The following JAK1 variants were observed in gnomAD, a reference collection of about 807,000 sequenced individuals.
JAK1 encodes the protein Janus kinase 1, also known as tyrosine-protein kinase JAK1.
Under a neutral mutation model 136.6 loss-of-function variants are expected in JAK1, and 16 were observed. The ratio of observed to expected loss-of-function variants is 0.12; its 90% confidence interval spans 0.08 to 0.18. The LOEUF (loss-of-function observed/expected upper bound fraction) is 0.18, where lower values mean the gene tolerates loss of function less well. Ranked by LOEUF, JAK1 falls within the 10% of genes least tolerant of loss-of-function variation. The probability of loss-of-function intolerance (pLI) is 1.00; values close to 1 mark genes in which losing one functional copy is unlikely to be tolerated. For missense variants in JAK1, 859 were observed against 1,450.1 expected, an observed-to-expected ratio of 0.59 and a Z score of 6.62; for synonymous variants, 492 against 519.5, an observed-to-expected ratio of 0.95 and a Z score of 0.72.
chr1:64,863,381 G>A (rs1225064663), intron 8 of JAK1, among the ~76,000 whole-genome samples: 3 of 151,892 alleles, frequency 2.0e-5, no homozygotes, highest in African/African-American at 4.8e-5. Context: ...CATATAACAC[G>A]GGGCCTGATA....
intron 2 of JAK1, among the ~76,000 whole-genome samples, chr1:65,008,701 T>C (rs1424470904): frequency 6.6e-6 from 1 of 151,934 alleles, no homozygotes; most frequent in Non-Finnish European, 1.5e-5. Flanking sequence ...TTCTCCTTCT[T>C]TTTTATGACA....
At chr1:64,959,469 C>T (rs557290353) in intron 1 of JAK1, among the ~76,000 whole-genome samples, 7 of 152,006 alleles carry the variant, frequency 4.6e-5, no homozygotes, top group African/African-American at 7.2e-5. Flanking sequence ...ATCTGATTTA[C>T]AAGATATTTA....
intron 2 of JAK1, among the ~76,000 whole-genome samples, chr1:65,024,012 C>G (rs772473064): frequency 4.7e-5 from 7 of 150,270 alleles, no homozygotes; most frequent in Non-Finnish European, 8.8e-5. Flanking sequence ...TATCCAATCT[C>G]CTATTGCTGG....
At chr1:64,839,540 G>T in intron 20 of JAK1, 63 bp downstream of exon 20, 1 of 1,462,412 alleles carries the variant, frequency 6.8e-7, no homozygotes, top group Non-Finnish European at 9.3e-7. Flanking sequence ...GTTTTGCACT[G>T]GCCTTTATGA....
At chr1:64,989,002 G>GTACATA (rs1646628987) in intron 2 of JAK1, among the ~76,000 whole-genome samples, 1 of 129,238 alleles carries the variant, frequency 7.7e-6, no homozygotes, top group African/African-American at 2.8e-5. Context: ...GTGTGTGTGT[G>GTACATA]TATATATATA....
chr1:64,920,884 G>A (rs1249269335), intron 1 of JAK1, among the ~76,000 whole-genome samples: 1 of 152,206 alleles, frequency 6.6e-6, no homozygotes, highest in African/African-American at 2.4e-5. Context: ...AACAGGTCCA[G>A]TGCAAAACTG....
intron 2 of JAK1, among the ~76,000 whole-genome samples, chr1:65,000,239 G>C (rs116404609): frequency 0.076 from 11,601 of 152,002 alleles, 556 homozygotes; most frequent in African/African-American, 0.12. Context: ...CGCCCGCCTT[G>C]GCCATCGTAA....
intron 1 of JAK1, among the ~76,000 whole-genome samples, chr1:65,061,172 G>A (rs768133673): frequency 3.9e-5 from 6 of 152,124 alleles, no homozygotes; most frequent in South Asian, 4.1e-4. Flanking sequence ...TAATCTCAGC[G>A]CCTTAGGAGG....
At chr1:64,911,150 G>C (rs1362466385) in intron 1 of JAK1, among the ~76,000 whole-genome samples, 1 of 151,674 alleles carries the variant, frequency 6.6e-6, no homozygotes, top group Non-Finnish European at 1.5e-5. Flanking sequence ...ACATAAAATT[G>C]AAGAAAACTA....
intron 2 of JAK1, chr1:64,972,104 G>A (rs1405247111): frequency 6.6e-6 from 1 of 152,090 alleles, no homozygotes; most frequent in Non-Finnish European, 1.5e-5. Context: ...ATTGACAGAA[G>A]ATACAATGAC....
At chr1:64,997,062 C>A (rs926530063) in intron 2 of JAK1, among the ~76,000 whole-genome samples, 2 of 152,044 alleles carry the variant, frequency 1.3e-5, no homozygotes, top group African/African-American at 4.8e-5. Context: ...CAAAAACAAA[C>A]AAAAAATCAA....
chr1:64,994,028 C>A (rs1017869540), intron 2 of JAK1, among the ~76,000 whole-genome samples: 1 of 152,290 alleles, frequency 6.6e-6, no homozygotes, highest in South Asian at 2.1e-4. Context: ...ACAGCCTCAA[C>A]CTCCTAGGCT....
intron 6 of JAK1, among the ~76,000 whole-genome samples, chr1:64,868,081 G>A (rs1227913524): frequency 1.3e-5 from 2 of 152,122 alleles, no homozygotes; most frequent in Non-Finnish European, 2.9e-5. Flanking sequence ...AAAAGACTTA[G>A]TGTTTGCCAT....
chr1:64,953,497 T>C (rs72922262), intron 1 of JAK1, among the ~76,000 whole-genome samples: 2,530 of 152,194 alleles, frequency 0.017, 78 homozygotes, highest in African/African-American at 0.058. Flanking sequence ...ACGTGTTATA[T>C]AACAGTCAGG....
chr1:64,893,366 C>T (rs1008991764), intron 1 of JAK1, among the ~76,000 whole-genome samples: 1 of 152,134 alleles, frequency 6.6e-6, no homozygotes, highest in Non-Finnish European at 1.5e-5. Context: ...TTGAGCAAGC[C>T]TCTTAACCTC....
At chr1:64,836,312 ATAATT>A (rs761207142) in intron 22 of JAK1, 97 bp from the exon 23 acceptor site, 83 of 742,310 alleles carry the variant, frequency 1.1e-4, no homozygotes, top group Non-Finnish European at 1.9e-4. Flanking sequence ...GGTTTTTCTT[ATAATT>A]TAATACAGCA....
chr1:64,865,223 C>T (rs369525283), intron 7 of JAK1, among the ~76,000 whole-genome samples: 17 of 152,174 alleles, frequency 1.1e-4, no homozygotes, highest in South Asian at 6.2e-4. Flanking sequence ...CTATATAATA[C>T]GCAATGTGCA....
rs536151124 is a variant in JAK1 at position 64,916,860 on chromosome 1, T to C, written c.-77-30519A>G. 1.3e-3 allele frequency among the ~76,000 whole-genome samples: 187 copies of C among 147,790 alleles called. 1 individual carries two copies. The highest frequency in any genetic ancestry group is 4.5e-3 in the African/African-American group (181 of 40,502). On this transcript the variant is annotated intron_variant, in intron 1 of 24. Coordinates refer to ENST00000342505, the MANE Select transcript of JAK1 (RefSeq NM_002227.4). ...TTTCTCAAAAAAAAAAAAAAAAGTT[T>C]AGGAAATAGGTTAGAAAAGAACAGT...
At chr1:65,048,051 C>T (rs541385251) in intron 1 of JAK1, among the ~76,000 whole-genome samples, 4 of 152,112 alleles carry the variant, frequency 2.6e-5, no homozygotes, top group South Asian at 2.1e-4. Flanking sequence ...AAATAGGTGA[C>T]GTATATTCAA....
Sources: gnomAD v4.1 joint callset for allele counts (sites outside exome capture counted in the v4.1 genomes callset) on GRCh38, gnomAD v4.1.1 for gene constraint, MANE v1.5 for transcripts, NCBI Gene and HGNC (gene_info 2026-07-23, HGNC 2026-07-21) for gene names.